IPCEF1: variants seen among roughly 807,000 people sequenced by gnomAD.
IPCEF1 encodes the protein interactor protein for cytohesin exchange factors 1.
Under a neutral mutation model 50.9 loss-of-function variants are expected in IPCEF1, and 31 were observed. The observed-to-expected ratio is 0.61, with a 90% confidence interval of 0.46 to 0.82. The LOEUF (loss-of-function observed/expected upper bound fraction) is 0.82. Among genes scored for constraint, IPCEF1 ranks in the 40% least tolerant of loss-of-function variants. IPCEF1 has a pLI of 0.00. For synonymous variants in IPCEF1, 181 were observed against 192.0 expected (o/e 0.94, Z 0.47); for missense variants, 458 against 514.0 (o/e 0.89, Z 1.05).
chr6:154,330,352 TA>T (rs765630747), intron 1 of IPCEF1, among the ~76,000 whole-genome samples: 1,529 of 106,752 alleles, frequency 0.014, 30 homozygotes, highest in Non-Finnish European at 0.022. Flanking sequence ...TTTTTTTTTT[TA>T]AGACAGGATC....
chr6:154,180,648 G>A (rs1251704805), intron 10 of IPCEF1, among the ~76,000 whole-genome samples: 1 of 151,922 alleles, frequency 6.6e-6, no homozygotes. Context: ...CTCTTTAAAT[G>A]CTATATTTTC....
intron 1 of IPCEF1, among the ~76,000 whole-genome samples, chr6:154,316,839 C>T (rs560182676): frequency 2.6e-5 from 4 of 152,028 alleles, no homozygotes; most frequent in African/African-American, 7.2e-5. Flanking sequence ...ACAATATATA[C>T]GTATTTTAAA....
chr6:154,256,881 C>A (rs1781474903), intron 3 of IPCEF1, among the ~76,000 whole-genome samples: 1 of 152,064 alleles, frequency 6.6e-6, no homozygotes, highest in South Asian at 2.1e-4. Flanking sequence ...GGTATGATAC[C>A]TTCACATGGG....
Position 154,157,997 on chromosome 6 carries a change from T to TGA in IPCEF1, c.*1829_*1830dup, listed in dbSNP as rs1167556876. ...TACCCACATGTTTGCTGGGCCAAAC[T>TGA]GACTGGCCTGGCCTCTTATCTTAGA... is the stretch of plus-strand genomic sequence containing the variant. On this transcript the variant is annotated 3_prime_UTR_variant, in exon 12 of 12. Transcript: ENST00000367220. 6.6e-6 allele frequency: 1 copy of TGA among 152,280 alleles called. No homozygotes were observed. The highest frequency in any genetic ancestry group is 1.5e-5 in the Non-Finnish European group (1 of 68,050). The allele number at this position is 152,280 out of a possible 1,614,324, so 9.4% of individuals were successfully genotyped here.
At chr6:154,250,774 A>G (rs1378306382) in intron 3 of IPCEF1, among the ~76,000 whole-genome samples, 1 of 152,264 alleles carries the variant, frequency 6.6e-6, no homozygotes, top group Non-Finnish European at 1.5e-5. Flanking sequence ...ATCAGACTTC[A>G]TAGTGATCCT....
intron 9 of IPCEF1, among the ~76,000 whole-genome samples, chr6:154,204,445 A>G (rs962057976): frequency 2.0e-5 from 3 of 152,228 alleles, no homozygotes; most frequent in Non-Finnish European, 4.4e-5. Context: ...TATTGGCCAT[A>G]TTAGCAAAAA....
intron 7 of IPCEF1, among the ~76,000 whole-genome samples, chr6:154,214,742 TA>T (rs1318159435): frequency 3.3e-5 from 5 of 152,098 alleles, no homozygotes; most frequent in African/African-American, 9.7e-5. Flanking sequence ...TGTCAATCAG[TA>T]AAAAAAATCT....
intron 1 of IPCEF1, among the ~76,000 whole-genome samples, chr6:154,342,709 G>T (rs1019691735): frequency 6.6e-6 from 1 of 152,118 alleles, no homozygotes; most frequent in African/African-American, 2.4e-5. Flanking sequence ...TGATCCTCCT[G>T]CCTCAGCCTC....
rs111433377 is a variant in IPCEF1, at chr6:154,214,329, A to G, written c.393-53T>C. On this transcript the variant is annotated intron_variant, in intron 7 of 11. Transcript: ENST00000367220. ...GACCAAAGAGATTAGCCCCCCACCCATTCACCTTCCCCCAGAGTTTGTTAT... is the reference window on the plus strand; with the variant it reads ...GACCAAAGAGATTAGCCCCCCACCCGTTCACCTTCCCCCAGAGTTTGTTAT... 2,129 of 1,173,024 alleles carry G rather than the reference A, an allele frequency of 1.8e-3. 39 individuals carry two copies. The African/African-American group carries it at 0.028, about 16-fold the overall frequency. The allele number at this position is 1,173,024 out of a possible 1,614,324, so 72.7% of individuals were successfully genotyped here. A position where few individuals can be genotyped will look rare whatever the true frequency, so the allele number is the denominator to read the frequency against.
chr6:154,166,895 T>G (rs1392575053), intron 11 of IPCEF1, among the ~76,000 whole-genome samples: 2 of 152,230 alleles, frequency 1.3e-5, no homozygotes, highest in African/African-American at 2.4e-5. Flanking sequence ...GATAAAAATT[T>G]TAATATTAAA....
intron 1 of IPCEF1, among the ~76,000 whole-genome samples, chr6:154,351,528 G>T (rs1009272914): frequency 6.6e-6 from 1 of 152,196 alleles, no homozygotes; most frequent in African/African-American, 2.4e-5. Context: ...TCACTTGGGC[G>T]ATTTTAAAGT....
At chr6:154,205,945 G>T (rs1201592136) in intron 9 of IPCEF1, among the ~76,000 whole-genome samples, 1 of 152,020 alleles carries the variant, frequency 6.6e-6, no homozygotes, top group South Asian at 2.1e-4. Flanking sequence ...TGGCTATGCT[G>T]CAGCCTTCCC....
chr6:154,282,416 C>T (rs879799335), intron 2 of IPCEF1, among the ~76,000 whole-genome samples: 2 of 152,204 alleles, frequency 1.3e-5, no homozygotes, highest in African/African-American at 4.8e-5. Flanking sequence ...GGCGCGGTGG[C>T]TCACGCCTGT....
At chr6:154,348,783 C>T (rs6935066) in intron 1 of IPCEF1, among the ~76,000 whole-genome samples, 32,450 of 152,128 alleles carry the variant, frequency 0.21, 3,784 homozygotes, top group African/African-American at 0.27. Context: ...TAAACAGCAA[C>T]GTTCCTGCAA....
intron 3 of IPCEF1, among the ~76,000 whole-genome samples, chr6:154,261,816 C>T (rs1224027935): frequency 1.3e-5 from 2 of 152,024 alleles, no homozygotes; most frequent in African/African-American, 2.4e-5. Context: ...ATATTCCTTC[C>T]CCCTACCCCC....
chr6:154,212,507 C>A (rs1778045420), intron 9 of IPCEF1, among the ~76,000 whole-genome samples: 1 of 152,186 alleles, frequency 6.6e-6, no homozygotes, highest in African/African-American at 2.4e-5. Flanking sequence ...GGCCTGTCAC[C>A]TAGAAGCCTT....
chr6:154,226,139 C>T (rs918068270), intron 5 of IPCEF1, among the ~76,000 whole-genome samples: 4 of 152,200 alleles, frequency 2.6e-5, no homozygotes, highest in South Asian at 2.1e-4. Flanking sequence ...GACTTATTCT[C>T]TTTTTGTTCC....
chr6:154,236,120 T>C (rs749195712), intron 5 of IPCEF1, among the ~76,000 whole-genome samples: 3 of 152,176 alleles, frequency 2.0e-5, no homozygotes, highest in Non-Finnish European at 2.9e-5. Flanking sequence ...TTATTCACAA[T>C]AGCCAAAAGG....
At chr6:154,296,547 C>T (rs942480286) in intron 1 of IPCEF1, among the ~76,000 whole-genome samples, 4 of 152,016 alleles carry the variant, frequency 2.6e-5, no homozygotes, top group East Asian at 1.9e-4. Context: ...AAATGAATAT[C>T]GGCCGGGCGT....
Sources: gnomAD v4.1 joint callset for allele counts (sites outside exome capture counted in the v4.1 genomes callset) on GRCh38, gnomAD v4.1.1 for gene constraint, MANE v1.5 for transcripts, NCBI Gene and HGNC (gene_info 2026-07-23, HGNC 2026-07-21) for gene names.